TMCO5A: variants seen among roughly 807,000 people sequenced by gnomAD.
The protein encoded by TMCO5A is transmembrane and coiled-coil domain-containing protein 5A.
Under a neutral mutation model 42.3 loss-of-function variants are expected in TMCO5A, and 34 were observed. The ratio of observed to expected loss-of-function variants is 0.80; its 90% confidence interval spans 0.61 to 1.07. The LOEUF (loss-of-function observed/expected upper bound fraction) is 1.07, where lower values mean the gene tolerates loss of function less well. TMCO5A is among the 50% of genes least tolerant of loss of function. The pLI is 0.00. For missense variants in TMCO5A, 357 were observed against 327.9 expected (o/e 1.09, Z -0.69); for synonymous variants, 131 against 115.6 (o/e 1.13, Z -0.86).
At chr15:38,003,469 C>T in the TMCO5A span, among the ~76,000 whole-genome samples, 83 of 152,280 alleles carry the variant, frequency 5.5e-4, 2 homozygotes, top group Middle Eastern at 3.4e-3. Context: ...CATGTCCTTC[C>T]TTTCAATGCA....
chr15:37,988,766 T>C, the TMCO5A span, among the ~76,000 whole-genome samples: 4 of 152,062 alleles, frequency 2.6e-5, no homozygotes, highest in Admixed American at 2.6e-4. Context: ...TTGTTAAAGA[T>C]TTTGCATCAA....
chr15:38,011,968 C>CA, the TMCO5A span, among the ~76,000 whole-genome samples: 3 of 151,932 alleles, frequency 2.0e-5, no homozygotes, highest in Non-Finnish European at 2.9e-5. Flanking sequence ...ACTGAAAATA[C>CA]AAAAAAGTAG....
chr15:38,001,334 AT>A, the TMCO5A span, among the ~76,000 whole-genome samples: 1 of 150,892 alleles, frequency 6.6e-6, no homozygotes, highest in Non-Finnish European at 1.5e-5. Flanking sequence ...TGCTCATTTC[AT>A]TTTCATTTGC....
chr15:38,027,390 T>G, the TMCO5A span, among the ~76,000 whole-genome samples: 1 of 152,140 alleles, frequency 6.6e-6, no homozygotes, highest in African/African-American at 2.4e-5. Flanking sequence ...CTGTAACCCC[T>G]TTGTTTAGGC....
chr15:37,950,811 T>C (rs962609006), intron 11 of TMCO5A, among the ~76,000 whole-genome samples: 11 of 152,068 alleles, frequency 7.2e-5, no homozygotes, highest in Admixed American at 7.2e-4. Context: ...AAAATTATTT[T>C]AGTGACAAAT....
chr15:38,031,326 G>A, the TMCO5A span, among the ~76,000 whole-genome samples: 1 of 152,058 alleles, frequency 6.6e-6, no homozygotes, highest in Non-Finnish European at 1.5e-5. Context: ...CCTCCAAGAT[G>A]GCCCCCAATG....
intron 10 of TMCO5A, among the ~76,000 whole-genome samples, chr15:37,947,264 T>G (rs900143452): frequency 6.6e-6 from 1 of 152,000 alleles, no homozygotes; most frequent in Non-Finnish European, 1.5e-5. Flanking sequence ...TAAGATATGT[T>G]TATATAGTTT....
the TMCO5A span, among the ~76,000 whole-genome samples, chr15:38,002,208 G>GTT: frequency 0.079 from 11,475 of 145,118 alleles, 559 homozygotes; most frequent in African/African-American, 0.13. Flanking sequence ...AGGATAAAAG[G>GTT]TTTTTTTTTT....
chr15:38,003,824 G>A, the TMCO5A span, among the ~76,000 whole-genome samples: 8 of 151,844 alleles, frequency 5.3e-5, no homozygotes, highest in African/African-American at 9.7e-5. Flanking sequence ...AGGAAGGATC[G>A]AGAAATGCTG....
chr15:37,950,678 T>G (rs1890126146), intron 11 of TMCO5A, among the ~76,000 whole-genome samples: 1 of 152,208 alleles, frequency 6.6e-6, no homozygotes, highest in African/African-American at 2.4e-5. Context: ...TATCAAGTGT[T>G]GGAGAGGATA....
chr15:37,965,696 A>G (rs1045438750), intron 11 of TMCO5A, among the ~76,000 whole-genome samples: 2 of 152,228 alleles, frequency 1.3e-5, no homozygotes, highest in Non-Finnish European at 2.9e-5. Flanking sequence ...TGCAAATCAA[A>G]ACTACAATGA....
At position 37,947,878 on chromosome 15, in the gene TMCO5A, A is replaced by C. The variant is rs1163684146; in HGVS notation, c.668+182A>C. On this transcript the variant is annotated intron_variant, in intron 11 of 11. Transcript: ENST00000319669. ...TTTCTCAATTCTAATGTTATGACTTACTTGTTTAAAGGTAATTAATAATCT... is the reference window on the plus strand; with the variant it reads ...TTTCTCAATTCTAATGTTATGACTTCCTTGTTTAAAGGTAATTAATAATCT... Among the ~76,000 whole-genome samples, 3 of 152,148 alleles carry C rather than the reference A, an allele frequency of 2.0e-5. No individual in the cohort carries two copies. In the East Asian group the frequency reaches 5.8e-4, roughly 29 times the overall value.
At chr15:37,969,082 G>C (rs1890624877), downstream of TMCO5A, among the ~76,000 whole-genome samples, 1 of 152,140 alleles carries the variant, frequency 6.6e-6, no homozygotes. Context: ...GTGTATATAT[G>C]ATAAGTCCTA....
chr15:37,959,316 A>T (rs578228096), intron 11 of TMCO5A, among the ~76,000 whole-genome samples: 64 of 152,104 alleles, frequency 4.2e-4, no homozygotes, highest in African/African-American at 1.5e-3. Context: ...AACTATTCCA[A>T]AACACAGGAG....
the TMCO5A span, among the ~76,000 whole-genome samples, chr15:37,982,522 TA>T: frequency 4.8e-5 from 7 of 145,020 alleles, no homozygotes; most frequent in Non-Finnish European, 1.1e-4. Flanking sequence ...ATATATTATC[TA>T]TATATAATAG....
At chr15:38,033,479 A>G in the TMCO5A span, among the ~76,000 whole-genome samples, 17 of 152,144 alleles carry the variant, frequency 1.1e-4, no homozygotes, top group African/African-American at 4.1e-4. Context: ...GAGATCTAAG[A>G]TATTTCCTCC....
At chr15:37,939,875 C>A (rs1889671940) in intron 6 of TMCO5A, among the ~76,000 whole-genome samples, 1 of 152,054 alleles carries the variant, frequency 6.6e-6, no homozygotes, top group African/African-American at 2.4e-5. Context: ...ATGTAACTGA[C>A]TGAAGAGTGA....
downstream of TMCO5A, among the ~76,000 whole-genome samples, chr15:37,969,888 A>G (rs10152715): frequency 0.031 from 4,792 of 152,230 alleles, 269 homozygotes; most frequent in African/African-American, 0.11. Context: ...GTTGCATAGT[A>G]TATATATACC....
At chr15:37,936,205 G>T in intron 2 of TMCO5A, 109 bp from the exon 3 acceptor site, 1 of 1,278,692 alleles carries the variant, frequency 7.8e-7, no homozygotes, top group South Asian at 1.6e-5. Flanking sequence ...TATGCCCCCA[G>T]AGAGAGTAAG....
Sources: allele counts gnomAD v4.1 joint callset (sites outside exome capture counted in the v4.1 genomes callset), GRCh38; gene constraint gnomAD v4.1.1; transcripts MANE v1.5; gene names NCBI Gene and HGNC (gene_info 2026-07-23, HGNC 2026-07-21).